ANO5: variants seen among roughly 807,000 people sequenced by gnomAD.
ANO5 encodes the protein anoctamin-5.
A neutral mutation model predicts 121.0 loss-of-function variants in ANO5; 109 were observed. That is an observed-to-expected ratio of 0.90 (90% CI 0.77 to 1.06). The LOEUF (loss-of-function observed/expected upper bound fraction) is 1.06. Ranked by LOEUF, ANO5 falls within the 50% of genes least tolerant of loss-of-function variation. The pLI is 0.00. For synonymous variants in ANO5, 406 were observed against 359.9 expected, an observed-to-expected ratio of 1.13 and a Z score of -1.45; for missense variants, 1,064 against 1,078.5, an observed-to-expected ratio of 0.99 and a Z score of 0.19.
At chr11:22,215,419 C>G (rs966694542) in intron 3 of ANO5, among the ~76,000 whole-genome samples, 1 of 151,934 alleles carries the variant, frequency 6.6e-6, no homozygotes, top group African/African-American at 2.4e-5. Context: ...CATCCAGTTT[C>G]ATGGCTTTAA....
intron 3 of ANO5, among the ~76,000 whole-genome samples, chr11:22,217,435 A>G (rs1852482416): frequency 1.3e-5 from 2 of 151,724 alleles, no homozygotes; most frequent in South Asian, 4.1e-4. Context: ...TGCTCATTAA[A>G]TTAAAAAAAA....
chr11:22,265,605 T>G (rs1243724922), intron 17 of ANO5, among the ~76,000 whole-genome samples: 1 of 152,104 alleles, frequency 6.6e-6, no homozygotes, highest in Non-Finnish European at 1.5e-5. Context: ...AAATCCTGAT[T>G]AAAGAAATTG....
intron 12 of ANO5, among the ~76,000 whole-genome samples, chr11:22,251,837 T>C: frequency 6.6e-6 from 1 of 151,392 alleles, no homozygotes; most frequent in East Asian, 1.9e-4. Context: ...TTACCCTGGC[T>C]AACACGGTGA....
intron 2 of ANO5, among the ~76,000 whole-genome samples, chr11:22,204,817 A>C (rs1349656421): frequency 6.6e-6 from 1 of 152,112 alleles, no homozygotes; most frequent in Admixed American, 6.6e-5. Context: ...AGATAGAAAT[A>C]CCATTCGACC....
chr11:22,218,115 T>TCACACACA (rs71034578), intron 3 of ANO5, 131 bp from the exon 4 acceptor site: 199 of 607,768 alleles, frequency 3.3e-4, no homozygotes, highest in African/African-American at 2.0e-3. Context: ...GTTTGAAATA[T>TCACACACA]CACACACACA....
At chr11:22,243,181 T>C (rs1229871294) in intron 9 of ANO5, among the ~76,000 whole-genome samples, 1 of 152,074 alleles carries the variant, frequency 6.6e-6, no homozygotes, top group African/African-American at 2.4e-5. Flanking sequence ...TGTTAATAGT[T>C]TTTCCTCTTA....
At chr11:22,218,748 A>T (rs1029525041) in intron 4 of ANO5, among the ~76,000 whole-genome samples, 1 of 151,914 alleles carries the variant, frequency 6.6e-6, no homozygotes, top group African/African-American at 2.4e-5. Context: ...TTTAGGAGAG[A>T]TGAGTGGTTT....
In ANO5 at chr11:22,218,121, A is replaced by T. The variant is rs922472016; in HGVS notation, c.139-125A>T. On this transcript the variant is annotated intron_variant, in intron 3 of 21. Coordinates refer to ENST00000324559, the MANE Select transcript of ANO5 (RefSeq NM_213599.3). Reference sequence around the variant, plus strand: ...TATCCTCCAGTTTGAAATATCACACACACACACACACACACACACTTATAA... The same window carrying T: ...TATCCTCCAGTTTGAAATATCACACTCACACACACACACACACACTTATAA... 1.8e-4 allele frequency: 169 copies of T among 916,312 alleles called. 1 individual carries two copies. Among genetic ancestry groups the T allele is most frequent in the Non-Finnish European group, 2.9e-4 (165 of 566,460 alleles). The allele number at this position is 916,312 out of a possible 1,614,324, so 56.8% of individuals were successfully genotyped here. A position where few individuals can be genotyped will look rare whatever the true frequency, so the allele number is the denominator to read the frequency against.
rs1323200040 is a variant in ANO5 at position 22,227,536 on chromosome 11, C to G, written c.598C>G (p.Leu200Val). 1.2e-6 allele frequency: 2 copies of G among 1,613,484 alleles called. No homozygotes were observed. Among genetic ancestry groups the G allele is most frequent in the Non-Finnish European group, 1.7e-6 (2 of 1,179,712 alleles). The part of the protein sequence containing the change: ...QFSRHRQELF[L>V]IEDQATFFPS... Reference sequence around the variant, plus strand: ...CAGCAGACATCGGCAGGAGCTCTTCCTCATCGAAGATCAGGCAACCTTCTT... The same window carrying G: ...CAGCAGACATCGGCAGGAGCTCTTCGTCATCGAAGATCAGGCAACCTTCTT... Residue 200 changes from leucine (L) to valine (V), a missense_variant, in exon 7 of 22, where the codon CTC becomes GTC. Leu to Val is a conservative substitution (Grantham distance 32). Transcript: ENST00000324559.
intron 12 of ANO5, among the ~76,000 whole-genome samples, chr11:22,253,149 T>C (rs1438745536): frequency 6.6e-6 from 1 of 152,168 alleles, no homozygotes; most frequent in Non-Finnish European, 1.5e-5. Context: ...GCACAATCTA[T>C]AAGGCCCAAA....
intron 17 of ANO5, among the ~76,000 whole-genome samples, chr11:22,263,550 T>C (rs1482581949): frequency 2.0e-5 from 3 of 152,176 alleles, no homozygotes; most frequent in South Asian, 2.1e-4. Context: ...ACATGAAAGA[T>C]TGCTCTCTGA....
chr11:22,252,864 G>A (rs1408182600), intron 12 of ANO5, among the ~76,000 whole-genome samples: 1 of 152,058 alleles, frequency 6.6e-6, no homozygotes, highest in Non-Finnish European at 1.5e-5. Context: ...CCCTGGAACA[G>A]GTACCATTCT....
intron 8 of ANO5, among the ~76,000 whole-genome samples, chr11:22,239,330 T>C (rs953310473): frequency 6.6e-6 from 1 of 152,132 alleles, no homozygotes; most frequent in Non-Finnish European, 1.5e-5. Context: ...GGTGAAAGAA[T>C]AGCTTGAGTA....
intron 9 of ANO5, among the ~76,000 whole-genome samples, chr11:22,244,096 C>T (rs1486397816): frequency 6.6e-6 from 1 of 151,984 alleles, no homozygotes; most frequent in Non-Finnish European, 1.5e-5. Flanking sequence ...TAAGCCGTGT[C>T]TAGTGGTAAA....
chr11:22,237,772 C>T (rs1050845513), intron 8 of ANO5, among the ~76,000 whole-genome samples: 2 of 151,910 alleles, frequency 1.3e-5, no homozygotes, highest in African/African-American at 4.8e-5. Flanking sequence ...TTAGAAAAAC[C>T]AAACAGCCTC....
chr11:22,225,737 A>G (rs987881065), intron 5 of ANO5, among the ~76,000 whole-genome samples: 4 of 152,066 alleles, frequency 2.6e-5, no homozygotes, highest in African/African-American at 9.7e-5. Flanking sequence ...AGTTTTGTAC[A>G]TTTCTTCAGA....
intron 5 of ANO5, among the ~76,000 whole-genome samples, chr11:22,221,672 C>T (rs894405687): frequency 6.6e-6 from 1 of 151,802 alleles, no homozygotes; most frequent in African/African-American, 2.4e-5. Context: ...TGTTTGCTGT[C>T]TCCAACACTA....
At chr11:22,208,787 G>A (rs1852195251) in intron 2 of ANO5, among the ~76,000 whole-genome samples, 2 of 151,898 alleles carry the variant, frequency 1.3e-5, no homozygotes, top group African/African-American at 2.4e-5. Flanking sequence ...GCAAATTCCT[G>A]TGAAGCTATA....
intron 13 of ANO5, among the ~76,000 whole-genome samples, chr11:22,256,133 C>T (rs558841404): frequency 1.0e-3 from 152 of 152,156 alleles, no homozygotes; most frequent in Non-Finnish European, 1.9e-3. Context: ...GCTATATGTT[C>T]TTGACTGAGT....
Sources: allele counts gnomAD v4.1 joint callset (sites outside exome capture counted in the v4.1 genomes callset), GRCh38; gene constraint gnomAD v4.1.1; transcripts MANE v1.5; gene names NCBI Gene and HGNC (gene_info 2026-07-23, HGNC 2026-07-21).